RPL18A: variants seen among roughly 807,000 people sequenced by gnomAD.
The protein encoded by RPL18A is ribosomal protein L18a.
For missense variants in RPL18A, 163 were observed against 254.1 expected (o/e 0.64, Z 2.44); for synonymous variants, 122 against 96.9 (o/e 1.26, Z -1.52).
Position 17,863,252 on chromosome 19 carries a change from A to G in RPL18A, c.520A>G (p.Thr174Ala). 6.3e-7 allele frequency: 1 copy of G among 1,587,968 alleles called. No homozygotes were observed. Among genetic ancestry groups the G allele is most frequent in the South Asian group, 1.1e-5 (1 of 90,306 alleles). ...ACGCTTCACCACCAAGAGGCCCAAC[A>G]CCTTCTTCTAGGTGCAGGGCCCTCG... ...KPRFTTKRPN[T>A]FF The change falls in exon 5 of 5, where the codon ACC becomes GCC. Residue 174 changes from threonine to alanine, a missense_variant. Transcript: ENST00000222247.
chr19:17,862,786 G>C, intron 3 of RPL18A, 132 bp from the exon 4 acceptor site: 1 of 766,178 alleles, frequency 1.3e-6, no homozygotes, highest in South Asian at 1.4e-5. Context: ...CCACCTTCCC[G>C]TGAGCCCCGA....
intron 2 of RPL18A, chr19:17,861,717 A>T (rs1287201521): frequency 1.8e-6 from 1 of 563,268 alleles, no homozygotes; most frequent in Non-Finnish European, 3.1e-6. Context: ...GCATGGTGGG[A>T]CACCTTGGTT....
intron 1 of RPL18A, chr19:17,861,076 TCCTCCCTGGAGA>T: frequency 1.8e-6 from 1 of 565,986 alleles, no homozygotes; most frequent in Non-Finnish European, 3.1e-6. Context: ...ACTCAATTAA[TCCTCCCTGGAGA>T]CCTCCCTCTC....
chr19:17,860,518 C>T (rs1397120700), intron 1 of RPL18A, among the ~76,000 whole-genome samples: 1 of 152,202 alleles, frequency 6.6e-6, no homozygotes, highest in Non-Finnish European at 1.5e-5. Context: ...GCTTCGGTTT[C>T]CTTGCTGTCA....
intron 2 of RPL18A, 188 bp from the exon 3 acceptor site, chr19:17,861,906 T>A: frequency 1.6e-6 from 1 of 644,284 alleles, no homozygotes; most frequent in Non-Finnish European, 2.6e-6. Context: ...CCATGGGAAG[T>A]TCCCTTACCT....
At chr19:17,862,068 A>G (rs201022345) in intron 2 of RPL18A, 26 bp from the exon 3 acceptor site, 154 of 1,609,580 alleles carry the variant, frequency 9.6e-5, no homozygotes, top group Admixed American at 2.0e-4. Flanking sequence ...CTGCTCTCAC[A>G]TCTCCCTGTG....
rs747378736 is a variant in RPL18A at position 17,859,918 on chromosome 19, C to T, written c.-39C>T. On this transcript the variant is annotated 5_prime_UTR_variant, in exon 1 of 5. Transcript: ENST00000222247. ...GTGAACGGCTGCGCGACAGAGGACA[C>T]TTCCTTTTGCGGGTGGCGGCGAACG... 31 of 1,543,226 alleles carry T rather than the reference C, an allele frequency of 2.0e-5. No homozygotes were observed. Among genetic ancestry groups the T allele is most frequent in the Middle Eastern group, 2.3e-4 (1 of 4,384 alleles).
At chr19:17,861,959 C>T in intron 2 of RPL18A, 135 bp from the exon 3 acceptor site, 2 of 1,050,642 alleles carry the variant, frequency 1.9e-6, no homozygotes, top group South Asian at 1.7e-5. Context: ...GGCTGGGAAA[C>T]TGAGGCACAA....
chr19:17,860,212 C>T (rs1485394262), intron 1 of RPL18A: 1 of 505,922 alleles, frequency 2.0e-6, no homozygotes, highest in East Asian at 3.5e-5. Context: ...TCCGGGTCTT[C>T]TTCCCGGGGG....
intron 3 of RPL18A, 153 bp downstream of exon 3, chr19:17,862,376 G>C (rs1441354262): frequency 1.1e-6 from 1 of 907,380 alleles, no homozygotes; most frequent in African/African-American, 1.7e-5. Flanking sequence ...CCCAGATGGC[G>C]CTTTTCTGAG....
At chr19:17,863,121 G>A in intron 4 of RPL18A, 50 bp from the exon 5 acceptor site, 1 of 1,559,754 alleles carries the variant, frequency 6.4e-7, no homozygotes, top group Non-Finnish European at 8.8e-7. Flanking sequence ...CCCACAGGAT[G>A]GGGTGTTAAG....
chr19:17,861,191 G>C, intron 1 of RPL18A, 102 bp from the exon 2 acceptor site: 2 of 1,153,202 alleles, frequency 1.7e-6, no homozygotes, highest in Non-Finnish European at 2.5e-6. Flanking sequence ...CCTGCCTCCT[G>C]CTTCCCGAAT....
At chr19:17,862,402 G>A (rs1174398395) in intron 3 of RPL18A, 179 bp downstream of exon 3, 7 of 749,456 alleles carry the variant, frequency 9.3e-6, no homozygotes, top group Admixed American at 6.8e-5. Flanking sequence ...TGCCAGGCTC[G>A]GTTGTAAATC....
chr19:17,860,134 C>T (rs2094274454), intron 1 of RPL18A, 160 bp downstream of exon 1: 1 of 614,104 alleles, frequency 1.6e-6, no homozygotes, highest in South Asian at 2.5e-5. Context: ...TGGCGGCCAT[C>T]GTGGGAGCCG....
intron 1 of RPL18A, chr19:17,860,219 G>A (rs2094274702): frequency 2.0e-6 from 1 of 505,048 alleles, no homozygotes; most frequent in Non-Finnish European, 3.4e-6. Context: ...CTTCTTCCCG[G>A]GGGAAGGAAT....
intron 3 of RPL18A, 154 bp from the exon 4 acceptor site, chr19:17,862,764 G>C: frequency 2.6e-6 from 2 of 758,934 alleles, no homozygotes; most frequent in Non-Finnish European, 4.8e-6. Flanking sequence ...GGGCTATCTC[G>C]CTTCCCCACC....
chr19:17,860,133 T>C lies in RPL18A; in HGVS notation c.18+159T>C, dbSNP rs915425239. ...CTTGTTGCACCCAACATGGCGGCCA[T>C]CGTGGGAGCCGCGTGGAGAGAGCGA... On this transcript the variant is annotated intron_variant, in intron 1 of 4. Coordinates refer to ENST00000222247, the MANE Select transcript of RPL18A (RefSeq NM_000980.4). 7.7e-5 allele frequency: 48 copies of C among 619,746 alleles called. No individual in the cohort carries two copies. In the Admixed American group the frequency reaches 1.8e-3, roughly 23 times the overall value. 38.4% of individuals were successfully genotyped at this position (619,746 alleles called of 1,614,324 possible).
rs144813709 is a variant in RPL18A, at chr19:17,861,782, G to A, written c.198+310G>A. Reference sequence around the variant, plus strand: ...AAGTGAGGAGAGGTGATGGCTATCTGGTCAGTGGGTGGTAGCTAGGTTGGC... The same window carrying A: ...AAGTGAGGAGAGGTGATGGCTATCTAGTCAGTGGGTGGTAGCTAGGTTGGC... On this transcript the variant is annotated intron_variant, in intron 2 of 4. Coordinates refer to ENST00000222247, the MANE Select transcript of RPL18A (RefSeq NM_000980.4). 1.5e-3 allele frequency: 835 copies of A among 543,536 alleles called. 11 individuals carry two copies. The East Asian group carries it at 0.025, about 16-fold the overall frequency. The allele number at this position is 543,536 out of a possible 1,614,324, so 33.7% of individuals were successfully genotyped here.
At chr19:17,861,175 G>T in intron 1 of RPL18A, 118 bp from the exon 2 acceptor site, 1 of 836,488 alleles carries the variant, frequency 1.2e-6, no homozygotes. Context: ...GAGGCCCTAG[G>T]GTGGCCCTGC....
Sources: gnomAD v4.1 joint callset for allele counts (sites outside exome capture counted in the v4.1 genomes callset) on GRCh38, gnomAD v4.1.1 for gene constraint, MANE v1.5 for transcripts, NCBI Gene and HGNC (gene_info 2026-07-23, HGNC 2026-07-21) for gene names.